ZFHX3: variants seen among roughly 807,000 people sequenced by gnomAD.
ZFHX3 encodes zinc finger homeobox protein 3.
In ZFHX3, 42 loss-of-function variants were observed where a neutral mutation model predicts 279.1. The observed-to-expected ratio is 0.15, with a 90% CI of 0.12 to 0.19. The LOEUF (loss-of-function observed/expected upper bound fraction) is 0.19. Among genes scored for constraint, ZFHX3 ranks in the 10% least tolerant of loss-of-function variants. The pLI is 1.00. For synonymous variants in ZFHX3, 2,293 were observed against 1,957.8 expected, an observed-to-expected ratio of 1.17 and a Z score of -4.52; for missense variants, 4,981 against 4,754.0, an observed-to-expected ratio of 1.05 and a Z score of -1.40.
Position 73,289,608 on chromosome 16 carries a change from G to C in ZFHX3, c.-1194+28632C>G, listed in dbSNP as rs767396307. Among the ~76,000 whole-genome samples the C allele has an allele frequency of 1.8e-4, 27 of 152,014 alleles. 1 individual carries two copies. The highest frequency in any genetic ancestry group is 2.5e-4 in the Non-Finnish European group (17 of 68,014). ...GCTGGCAATCCAAGCCATGTCCCCA[G>C]GGCACCTTGAGTGCCATCCCCAAGC... On this transcript the variant is annotated intron_variant, in intron 4 of 17. Transcript: ENST00000641206.
chr16:73,720,963 G>T (rs954607825), intron 1 of ZFHX3, among the ~76,000 whole-genome samples: 1 of 152,132 alleles, frequency 6.6e-6, no homozygotes, highest in Non-Finnish European at 1.5e-5. Context: ...ATTGTAAAGT[G>T]ACAGCCTAGG....
intron 5 of ZFHX3, among the ~76,000 whole-genome samples, chr16:73,255,128 G>T (rs1597246372): frequency 6.6e-6 from 1 of 152,230 alleles, no homozygotes; most frequent in African/African-American, 2.4e-5. Flanking sequence ...TCCTGAGATT[G>T]TTTCCACATT....
intron 1 of ZFHX3, among the ~76,000 whole-genome samples, chr16:73,881,209 A>G (rs1157232876): frequency 1.3e-5 from 2 of 152,138 alleles, no homozygotes; most frequent in Admixed American, 1.3e-4. Context: ...CGGTCCGCTG[A>G]TATCTCAGAG....
At chr16:73,599,861 CTG>C (rs796249836) in intron 2 of ZFHX3, among the ~76,000 whole-genome samples, 2 of 152,204 alleles carry the variant, frequency 1.3e-5, no homozygotes, top group African/African-American at 2.4e-5. Context: ...AATTCTTACT[CTG>C]TGGATTCTTA....
intron 3 of ZFHX3, among the ~76,000 whole-genome samples, chr16:73,444,960 A>C (rs1437883797): frequency 7.6e-6 from 1 of 131,454 alleles, no homozygotes; most frequent in African/African-American, 3.6e-5. Context: ...TATACTAAAA[A>C]AAAAAAAAAA....
chr16:72,919,498 C>T (rs139412728), intron 3 of ZFHX3, among the ~76,000 whole-genome samples: 34 of 152,140 alleles, frequency 2.2e-4, no homozygotes, highest in South Asian at 1.2e-3. Context: ...CTGATTCTGA[C>T]GCACAGCTAG....
At chr16:73,301,424 T>C (rs1005937482) in intron 4 of ZFHX3, among the ~76,000 whole-genome samples, 3 of 152,168 alleles carry the variant, frequency 2.0e-5, no homozygotes, top group African/African-American at 7.2e-5. Context: ...GGATGATTTT[T>C]TACTGTAGGG....
Position 72,797,382 on chromosome 16 carries a change from A to T in ZFHX3, c.5300T>A (p.Ile1767Asn). The change falls in exon 9 of 10, where the codon ATC becomes AAC. Residue 1767 changes from isoleucine (I) to asparagine (N), a missense_variant. By Grantham distance (149) the Ile-to-Asn change is moderately radical. Coordinates refer to ENST00000268489, the MANE Select transcript of ZFHX3 (RefSeq NM_006885.4). ...QQELQQQAAL[I>N]QSQLFNPTLL... ...GGTGGGGTTAAACAGCTGAGACTGG[A>T]TCAGGGCAGCCTGTTGCTGCAGCTC... 6.2e-7 allele frequency: 1 copy of T among 1,606,146 alleles called. No homozygotes were observed. Among genetic ancestry groups the T allele is most frequent in the Non-Finnish European group, 8.5e-7 (1 of 1,176,454 alleles).
At chr16:73,585,777 A>C (rs1366135299) in intron 2 of ZFHX3, among the ~76,000 whole-genome samples, 2 of 152,210 alleles carry the variant, frequency 1.3e-5, no homozygotes, top group African/African-American at 4.8e-5. Context: ...GTTGGTAGGT[A>C]GTAAGTGCAG....
chr16:72,995,855 T>C (rs1597069174), intron 1 of ZFHX3, among the ~76,000 whole-genome samples: 2 of 152,174 alleles, frequency 1.3e-5, no homozygotes, highest in South Asian at 2.1e-4. Flanking sequence ...ACAGCGCCAA[T>C]TGAAAACACA....
At chr16:73,155,041 G>T (rs532184738) in intron 5 of ZFHX3, among the ~76,000 whole-genome samples, 1 of 152,008 alleles carries the variant, frequency 6.6e-6, no homozygotes, top group African/African-American at 2.4e-5. Flanking sequence ...TGGCATGGTG[G>T]CTGCACTTGT....
intron 1 of ZFHX3, among the ~76,000 whole-genome samples, chr16:73,873,238 AGTGGGTGGTTGGG>A (rs1567436544): frequency 4.5e-3 from 144 of 32,036 alleles, no homozygotes; most frequent in South Asian, 6.9e-3. Flanking sequence ...GGTGGGTGGT[AGTGGGTGGTTGGG>A]TGGCGGTGGA....
chr16:73,276,527 A>T (rs2014307220), intron 4 of ZFHX3, among the ~76,000 whole-genome samples: 1 of 152,172 alleles, frequency 6.6e-6, no homozygotes, highest in Non-Finnish European at 1.5e-5. Context: ...TACATGGTAC[A>T]GGTTTACATA....
chr16:73,742,520 T>C (rs1017267717), intron 1 of ZFHX3, among the ~76,000 whole-genome samples: 5 of 152,188 alleles, frequency 3.3e-5, no homozygotes, highest in Non-Finnish European at 7.3e-5. Flanking sequence ...ATATTCCAAA[T>C]TGCATCATTT....
At chr16:73,808,960 T>C (rs916159908) in intron 1 of ZFHX3, among the ~76,000 whole-genome samples, 7 of 152,162 alleles carry the variant, frequency 4.6e-5, no homozygotes, top group Admixed American at 1.3e-4. Context: ...TTGATAACAG[T>C]TGATTACTGA....
At chr16:73,628,821 G>C (rs1273927078) in intron 2 of ZFHX3, among the ~76,000 whole-genome samples, 4 of 152,146 alleles carry the variant, frequency 2.6e-5, no homozygotes, top group African/African-American at 4.8e-5. Flanking sequence ...AGCCCTTGCT[G>C]AGATGAAGTT....
chr16:72,806,376 T>G (rs1338221347), intron 7 of ZFHX3, among the ~76,000 whole-genome samples: 1 of 151,380 alleles, frequency 6.6e-6, no homozygotes, highest in Non-Finnish European at 1.5e-5. Flanking sequence ...CGCAGAGAGG[T>G]GAGAACTGAG....
At chr16:73,172,942 T>TC (rs1474797174) in intron 5 of ZFHX3, among the ~76,000 whole-genome samples, 2 of 148,888 alleles carry the variant, frequency 1.3e-5, no homozygotes, top group Non-Finnish European at 3.0e-5. Context: ...TTTTTTTTTT[T>TC]TTTTTTCTTT....
chr16:73,464,846 CAT>C (rs2018536665), intron 2 of ZFHX3, among the ~76,000 whole-genome samples: 2 of 152,212 alleles, frequency 1.3e-5, no homozygotes, highest in Admixed American at 1.3e-4. Context: ...TGGGAAAGTT[CAT>C]TTTCCTAGTA....
Sources: allele counts gnomAD v4.1 joint callset (sites outside exome capture counted in the v4.1 genomes callset), GRCh38; gene constraint gnomAD v4.1.1; transcripts MANE v1.5; gene names NCBI Gene and HGNC (gene_info 2026-07-23, HGNC 2026-07-21).